Variants in DMXL2 observed in about 807,000 individuals in gnomAD.
The protein encoded by DMXL2 is dmX-like protein 2.
A neutral mutation model predicts 331.1 loss-of-function variants in DMXL2; 103 were observed. That is an observed-to-expected ratio of 0.31 (90% CI 0.27 to 0.37). DMXL2 has a LOEUF of 0.37. Ranked by LOEUF, DMXL2 falls within the 10% of genes least tolerant of loss-of-function variation. DMXL2 has a pLI of 1.00. For missense variants in DMXL2, 3,171 were observed against 3,642.9 expected, an observed-to-expected ratio of 0.87 and a Z score of 3.33; for synonymous variants, 1,281 against 1,252.1, an observed-to-expected ratio of 1.02 and a Z score of -0.49.
At chr15:51,493,201 A>T (rs2042929115) in intron 19 of DMXL2, among the ~76,000 whole-genome samples, 1 of 152,184 alleles carries the variant, frequency 6.6e-6, no homozygotes, top group African/African-American at 2.4e-5. Flanking sequence ...GCTGTGAGAG[A>T]ATTACTTTAT....
chr15:51,519,909 C>T (rs563395856), intron 13 of DMXL2, among the ~76,000 whole-genome samples: 5 of 152,226 alleles, frequency 3.3e-5, no homozygotes, highest in Non-Finnish European at 7.4e-5. Flanking sequence ...TCCCAAAATG[C>T]TAGGATTACA....
At chr15:51,508,730 G>A (rs2046568419) in intron 15 of DMXL2, among the ~76,000 whole-genome samples, 1 of 152,178 alleles carries the variant, frequency 6.6e-6, no homozygotes, top group South Asian at 2.1e-4. Flanking sequence ...TTCTGAAACT[G>A]TCAATTAAAT....
intron 1 of DMXL2, among the ~76,000 whole-genome samples, chr15:51,619,196 T>C (rs2141461252): frequency 6.6e-6 from 1 of 152,284 alleles, no homozygotes; most frequent in Non-Finnish European, 1.5e-5. Flanking sequence ...AAGAAATGTC[T>C]TAAAGGCAAA....
Position 51,499,398 on chromosome 15 carries a change from G to A in DMXL2, c.3826C>T (p.His1276Tyr). The change falls in exon 18 of 44, where the codon CAT becomes TAT. Residue 1276 changes from histidine to tyrosine, a missense_variant. His to Tyr is a moderately conservative substitution (Grantham distance 83, BLOSUM62 2). Coordinates refer to ENST00000560891, the MANE Select transcript of DMXL2 (RefSeq NM_001378457.1). ...TCAGTGTCTCCAAATTTGACAGCAT[G>A]CTTCCACTGTGCATATACATGCATT... ...CEMHVYAQWKHAVKFGDTEAD... is the reference protein window; with the variant it reads ...CEMHVYAQWKYAVKFGDTEAD... The A allele has an allele frequency of 6.2e-7, 1 of 1,613,848 alleles. No homozygotes were observed. Among genetic ancestry groups the A allele is most frequent in the Non-Finnish European group, 8.5e-7 (1 of 1,180,020 alleles).
intron 1 of DMXL2, among the ~76,000 whole-genome samples, chr15:51,610,637 C>T (rs1190852764): frequency 6.6e-5 from 10 of 151,750 alleles, no homozygotes; most frequent in Admixed American, 5.3e-4. Context: ...GCATGGTGGC[C>T]GGTGCCTGTA....
intron 2 of DMXL2, among the ~76,000 whole-genome samples, chr15:51,571,146 A>C (rs895068468): frequency 1.6e-4 from 24 of 152,238 alleles, no homozygotes; most frequent in African/African-American, 5.8e-4. Flanking sequence ...ATAGTCTCTG[A>C]TAAAACAGAC....
At chr15:51,500,584 GCCT>G (rs2043517892) in intron 17 of DMXL2, among the ~76,000 whole-genome samples, 1 of 152,140 alleles carries the variant, frequency 6.6e-6, no homozygotes, top group African/African-American at 2.4e-5. Flanking sequence ...TTCACAACAT[GCCT>G]CCTTAGAATT....
At chr15:51,505,218 C>T (rs2043973987) in intron 16 of DMXL2, among the ~76,000 whole-genome samples, 1 of 152,192 alleles carries the variant, frequency 6.6e-6, no homozygotes, top group South Asian at 2.1e-4. Flanking sequence ...GTTAAATCTG[C>T]AGCAAAGATT....
At chr15:51,507,032 C>T in intron 16 of DMXL2, 102 bp downstream of exon 16, 1 of 890,388 alleles carries the variant, frequency 1.1e-6, no homozygotes. Flanking sequence ...ACTCAATTTA[C>T]AGTTTAATGG....
intron 1 of DMXL2, among the ~76,000 whole-genome samples, chr15:51,590,039 C>T (rs1453926957): frequency 6.6e-6 from 1 of 152,166 alleles, no homozygotes; most frequent in Non-Finnish European, 1.5e-5. Flanking sequence ...GAGAAAAGTG[C>T]CCCATCTACA....
intron 1 of DMXL2, among the ~76,000 whole-genome samples, chr15:51,621,117 C>T (rs2054599691): frequency 6.6e-6 from 1 of 152,180 alleles, no homozygotes; most frequent in South Asian, 2.1e-4. Flanking sequence ...ATTCTCCACA[C>T]ACTTGAAGAC....
intron 29 of DMXL2, among the ~76,000 whole-genome samples, chr15:51,467,870 G>C (rs1302944357): frequency 6.6e-6 from 1 of 152,034 alleles, no homozygotes; most frequent in African/African-American, 2.4e-5. Context: ...GGGACTACAG[G>C]CACCTGCCAC....
intron 13 of DMXL2, among the ~76,000 whole-genome samples, chr15:51,530,975 T>C (rs1444335057): frequency 6.6e-6 from 1 of 152,150 alleles, no homozygotes; most frequent in African/African-American, 2.4e-5. Flanking sequence ...AATCTACAGA[T>C]TCAATGCAAT....
At chr15:51,607,449 C>A (rs1422136297) in intron 1 of DMXL2, among the ~76,000 whole-genome samples, 2 of 151,832 alleles carry the variant, frequency 1.3e-5, no homozygotes, top group African/African-American at 2.4e-5. Context: ...GAGCGAGACT[C>A]CGTCTCAAAA....
chr15:51,488,010 A>C lies in DMXL2; in HGVS notation c.5161T>G (p.Phe1721Val). Reference sequence around the variant, plus strand: ...AAGAAAAAAGCAGCCGATTGTTCAAAGCGTTGTTTTCCAAGTAAGGAAAAA... The same window carrying C: ...AAGAAAAAAGCAGCCGATTGTTCAACGCGTTGTTTTCCAAGTAAGGAAAAA... ...NAFSLLGKQR[F>V]EQSAAFFLLA... Residue 1721 changes from phenylalanine to valine, a missense_variant, in exon 22 of 44, where the codon TTT becomes GTT. Transcript: ENST00000560891. 1 of 1,613,564 alleles carries C rather than the reference A, an allele frequency of 6.2e-7. No individual in the cohort carries two copies. The highest frequency in any genetic ancestry group is 8.5e-7 in the Non-Finnish European group (1 of 1,179,770).
intron 33 of DMXL2, chr15:51,460,188 G>A: frequency 1.0e-6 from 1 of 986,844 alleles, no homozygotes; most frequent in Non-Finnish European, 1.2e-6. Context: ...TTGCTCCCGG[G>A]TTGATGCAGG....
chr15:51,502,168 G>A (rs1193312698), intron 17 of DMXL2, among the ~76,000 whole-genome samples: 2 of 150,458 alleles, frequency 1.3e-5, no homozygotes, highest in Admixed American at 6.6e-5. Context: ...GGGAGGTGGA[G>A]CTTGAAGTGA....
At position 51,536,207 on chromosome 15, in the gene DMXL2, T is replaced by C. The variant is rs1212988819; in HGVS notation, c.2273A>G (p.Asn758Ser). 2.5e-6 allele frequency: 4 copies of C among 1,606,818 alleles called. No individual in the cohort carries two copies. Among genetic ancestry groups the C allele is most frequent in the Non-Finnish European group, 3.4e-6 (4 of 1,177,304 alleles). The stretch of plus-strand genomic sequence containing the variant: ...AATGAGAGTTGGAAGCCAAGCCACA[T>C]TAGAGAACGCTGAGGTATGTAAAGA... ...INSLHTSAFS[N>S]VAWLPTLIPS... Residue 758 changes from asparagine (N) to serine (S), a missense_variant, in exon 12 of 44, where the codon AAT (asparagine) becomes AGT (serine). Around this residue, in one of 7 missense-constraint regions of DMXL2, gnomAD observed 1,674 missense variants for 1,780.2 expected, o/e 0.94. Transcript: ENST00000560891.
chr15:51,521,906 T>C lies in DMXL2; in HGVS notation c.2437-4739A>G, dbSNP rs2047402942. Among the ~76,000 whole-genome samples the C allele has an allele frequency of 3.3e-5, 5 of 152,312 alleles. No individual in the cohort carries two copies. In the South Asian group the frequency reaches 1.0e-3, roughly 32 times the overall value. On this transcript the variant is annotated intron_variant, in intron 13 of 43. Transcript: ENST00000560891. ...AAGATTGAGTAAATAAGTTACTGAG[T>C]GAAAACAAATTACACTTTAGATCAT...
Sources: allele counts gnomAD v4.1 joint callset (sites outside exome capture counted in the v4.1 genomes callset), GRCh38; gene constraint gnomAD v4.1.1; regional missense constraint gnomAD v4.1.1; transcripts MANE v1.5; gene names NCBI Gene and HGNC (gene_info 2026-07-23, HGNC 2026-07-21).